SUPT3H: variants seen among roughly 807,000 people sequenced by gnomAD.
SUPT3H encodes SPT3 homolog, SAGA and STAGA complex component.
Under a neutral mutation model 44.3 loss-of-function variants are expected in SUPT3H, and 44 were observed. The observed-to-expected ratio is 0.99, with a 90% CI of 0.78 to 1.28. The LOEUF (loss-of-function observed/expected upper bound fraction) is 1.28, where lower values mean the gene tolerates loss of function less well. SUPT3H is among the 50% of genes most tolerant of loss of function. The probability of loss-of-function intolerance (pLI) is 0.00; values close to 1 mark genes in which losing one functional copy is unlikely to be tolerated. For missense variants in SUPT3H, 380 were observed against 387.1 expected, an observed-to-expected ratio of 0.98 and a Z score of 0.15; for synonymous variants, 124 against 125.6, an observed-to-expected ratio of 0.99 and a Z score of 0.09.
At chr6:45,050,450 GA>G (rs35488722) in intron 3 of SUPT3H, among the ~76,000 whole-genome samples, 79,146 of 150,200 alleles carry the variant, frequency 0.53, 20,847 homozygotes, top group East Asian at 0.72. Flanking sequence ...GAAAGGCAAA[GA>G]AAAAAAAAAC....
intron 2 of SUPT3H, among the ~76,000 whole-genome samples, chr6:45,354,903 C>A (rs950928758): frequency 2.6e-5 from 4 of 152,040 alleles, no homozygotes; most frequent in Admixed American, 2.0e-4. Context: ...ATAATATGGG[C>A]TTTTGGTATT....
At chr6:45,006,236 T>C (rs563332654) in intron 5 of SUPT3H, among the ~76,000 whole-genome samples, 8 of 152,268 alleles carry the variant, frequency 5.3e-5, no homozygotes, top group Middle Eastern at 3.4e-3. Context: ...AGTTTTATTT[T>C]TGTGGTTGTT....
In SUPT3H at chr6:44,968,099, T is replaced by A. The variant is rs560082339; in HGVS notation, c.505-6271A>T. 5.3e-5 allele frequency among the ~76,000 whole-genome samples: 8 copies of A among 152,104 alleles called. No homozygotes were observed. The South Asian group carries it at 6.3e-4, about 12-fold the overall frequency. ...TGAGCCACTGCACCTGGCCAAAAAA[T>A]TTTTTTTAATCTTATTCTGATTACT... On this transcript the variant is annotated intron_variant, in intron 6 of 10. Transcript: ENST00000371459.
At chr6:45,048,959 A>G (rs922876416) in intron 3 of SUPT3H, among the ~76,000 whole-genome samples, 5 of 152,160 alleles carry the variant, frequency 3.3e-5, no homozygotes, top group Admixed American at 2.6e-4. Context: ...AGGAAAACAT[A>G]CAAGAGAACT....
At position 45,039,806 on chromosome 6, in the gene SUPT3H, CA is replaced by C. The variant is rs1788243695; in HGVS notation, c.187-19175del. 2.1e-5 allele frequency among the ~76,000 whole-genome samples: 3 copies of C among 145,984 alleles called. No homozygotes were observed. The Admixed American group carries it at 2.1e-4, about 10-fold the overall frequency. On this transcript the variant is annotated intron_variant, in intron 3 of 10. Transcript: ENST00000371459. ...TCTCAAAAAAAGAAAAAAACAAAAA[CA>C]AAAAACAAACAAAAAAAACCCTCTG...
chr6:45,096,200 T>C (rs1292950309), intron 3 of SUPT3H, among the ~76,000 whole-genome samples: 2 of 152,164 alleles, frequency 1.3e-5, no homozygotes, highest in Non-Finnish European at 2.9e-5. Context: ...CATTGAATCA[T>C]ATAAAATCAC....
chr6:45,301,979 C>G (rs1371399379), intron 2 of SUPT3H, among the ~76,000 whole-genome samples: 1 of 152,070 alleles, frequency 6.6e-6, no homozygotes, highest in Non-Finnish European at 1.5e-5. Flanking sequence ...TGTTAAGTGC[C>G]AAGTAAATGA....
intron 2 of SUPT3H, among the ~76,000 whole-genome samples, chr6:45,230,951 G>A (rs1441372685): frequency 2.0e-5 from 3 of 151,984 alleles, no homozygotes; most frequent in Admixed American, 6.6e-5. Flanking sequence ...GATTACAGGC[G>A]TGAGCCACTG....
intron 3 of SUPT3H, among the ~76,000 whole-genome samples, chr6:45,096,319 A>G (rs1363687045): frequency 1.3e-5 from 2 of 152,188 alleles, no homozygotes; most frequent in African/African-American, 4.8e-5. Flanking sequence ...TTGAAATTCT[A>G]TGACTTTATT....
chr6:45,231,048 T>G (rs1270930754), intron 2 of SUPT3H, among the ~76,000 whole-genome samples: 2 of 152,182 alleles, frequency 1.3e-5, no homozygotes, highest in African/African-American at 2.4e-5. Context: ...CGTCACCTTG[T>G]TAACTGTTGT....
chr6:45,244,199 A>C (rs1268261780), intron 2 of SUPT3H, among the ~76,000 whole-genome samples: 1 of 152,102 alleles, frequency 6.6e-6, no homozygotes, highest in African/African-American at 2.4e-5. Flanking sequence ...GCTGATTACC[A>C]TTTAGATCAG....
chr6:44,926,165 T>G (rs1419928168), intron 10 of SUPT3H, among the ~76,000 whole-genome samples: 1 of 152,138 alleles, frequency 6.6e-6, no homozygotes, highest in East Asian at 1.9e-4. Flanking sequence ...ATTGGCATAT[T>G]TTGATATTTA....
chr6:45,164,635 G>C (rs1809559482), intron 2 of SUPT3H, among the ~76,000 whole-genome samples: 1 of 152,052 alleles, frequency 6.6e-6, no homozygotes, highest in South Asian at 2.1e-4. Flanking sequence ...ACTTCTCAAA[G>C]TTTCCACAAA....
rs192032830 is a variant in SUPT3H at position 44,971,918 on chromosome 6, G to A, written c.505-10090C>T. 4.0e-3 allele frequency among the ~76,000 whole-genome samples: 612 copies of A among 152,118 alleles called. 7 individuals carry two copies. Among genetic ancestry groups the A allele is most frequent in the African/African-American group, 0.014 (566 of 41,516 alleles). On this transcript the variant is annotated intron_variant, in intron 6 of 10. Coordinates refer to ENST00000371459, the MANE Select transcript of SUPT3H (RefSeq NM_003599.4). Reference sequence around the variant, plus strand: ...ATCCCGAGTAGCTGGGACAACAGGCGCCTGCCACCACACCCGGCTAATTTT... The same window carrying A: ...ATCCCGAGTAGCTGGGACAACAGGCACCTGCCACCACACCCGGCTAATTTT...
At chr6:45,278,753 G>A (rs1032531847) in intron 2 of SUPT3H, among the ~76,000 whole-genome samples, 2 of 152,178 alleles carry the variant, frequency 1.3e-5, no homozygotes, top group South Asian at 2.1e-4. Flanking sequence ...AGAAGTCTGT[G>A]ACTTGTTCAA....
At chr6:45,307,517 T>C (rs922831770) in intron 2 of SUPT3H, among the ~76,000 whole-genome samples, 27 of 152,116 alleles carry the variant, frequency 1.8e-4, no homozygotes, top group African/African-American at 6.5e-4. Context: ...GGGTCTGGAG[T>C]GGAGCTCCAG....
intron 10 of SUPT3H, among the ~76,000 whole-genome samples, chr6:44,866,404 A>G (rs1775510829): frequency 6.6e-6 from 1 of 152,026 alleles, no homozygotes; most frequent in South Asian, 2.1e-4. Context: ...GGATCACTTG[A>G]GGCTAGGAAT....
At chr6:45,143,122 A>G (rs1000894270) in intron 2 of SUPT3H, among the ~76,000 whole-genome samples, 17 of 152,126 alleles carry the variant, frequency 1.1e-4, no homozygotes, top group Non-Finnish European at 2.2e-4. Flanking sequence ...GGGGACTTCA[A>G]TACTCCACTG....
chr6:45,295,523 G>GAA (rs1781008795), intron 2 of SUPT3H, among the ~76,000 whole-genome samples: 4 of 24,012 alleles, frequency 1.7e-4, no homozygotes, highest in African/African-American at 5.9e-4. Flanking sequence ...CTTTTGCACA[G>GAA]CAAAAAAAAA....
Sources: allele counts gnomAD v4.1 joint callset (sites outside exome capture counted in the v4.1 genomes callset), GRCh38; gene constraint gnomAD v4.1.1; transcripts MANE v1.5; gene names NCBI Gene and HGNC (gene_info 2026-07-23, HGNC 2026-07-21).